ODF2: variants seen among roughly 807,000 people sequenced by gnomAD.
The protein encoded by ODF2 is outer dense fiber of sperm tails 2, also known as outer dense fiber protein 2.
ODF2 carries 47 observed loss-of-function variants against 110.2 expected under a neutral mutation model. The ratio of observed to expected loss-of-function variants is 0.43; its 90% confidence interval spans 0.34 to 0.54. The LOEUF is 0.54. Ranked by LOEUF, ODF2 falls within the 20% of genes least tolerant of loss-of-function variation. The probability of loss-of-function intolerance (pLI) is 0.03; values close to 1 mark genes in which losing one functional copy is unlikely to be tolerated. For synonymous variants in ODF2, 352 were observed against 397.7 expected, an observed-to-expected ratio of 0.89 and a Z score of 1.37; for missense variants, 812 against 1,054.5, an observed-to-expected ratio of 0.77 and a Z score of 3.19.
chr9:128,498,256 T>G, intron 18 of ODF2, 157 bp from the exon 19 acceptor site: 1 of 1,183,682 alleles, frequency 8.4e-7, no homozygotes, highest in Non-Finnish European at 1.1e-6. Flanking sequence ...TTTGGTCGCC[T>G]TGCTGATCTG....
At chr9:128,466,236 C>T (rs150180576) in intron 4 of ODF2, among the ~76,000 whole-genome samples, 2,417 of 152,120 alleles carry the variant, frequency 0.016, 25 homozygotes, top group Middle Eastern at 0.034. Context: ...GAGGCTAAGG[C>T]AGGCGGTTCA....
chr9:128,478,899 C>A (rs1383016061), intron 8 of ODF2, among the ~76,000 whole-genome samples: 1 of 152,122 alleles, frequency 6.6e-6, no homozygotes, highest in East Asian at 1.9e-4. Flanking sequence ...AGCTGTGTGG[C>A]CTCACTTGCC....
intron 15 of ODF2, 62 bp from the exon 16 acceptor site, chr9:128,492,639 A>T: frequency 6.4e-7 from 1 of 1,565,314 alleles, no homozygotes; most frequent in Non-Finnish European, 8.8e-7. Flanking sequence ...TTGGGTATGG[A>T]AGATGGTTTT....
intron 5 of ODF2, 199 bp downstream of exon 5, chr9:128,469,552 T>C (rs1242785681): frequency 6.7e-6 from 4 of 596,712 alleles, no homozygotes; most frequent in East Asian, 2.8e-5. Flanking sequence ...GGGCCCTCTC[T>C]ATTGAGCATG....
intron 20 of ODF2, 53 bp downstream of exon 20, chr9:128,499,179 T>G (rs1846148870): frequency 3.7e-6 from 6 of 1,602,620 alleles, no homozygotes; most frequent in Admixed American, 1.7e-5. Flanking sequence ...ACCTAGCTTC[T>G]GTGGGGCCTG....
upstream of ODF2, chr9:128,455,881 A>C (rs912649663): frequency 8.6e-7 from 1 of 1,168,160 alleles, no homozygotes; most frequent in African/African-American, 1.6e-5. Flanking sequence ...GGAGGATCCA[A>C]GGCAGGGGAA....
At chr9:128,490,419 A>G (rs1345287195) in intron 14 of ODF2, among the ~76,000 whole-genome samples, 5 of 151,930 alleles carry the variant, frequency 3.3e-5, no homozygotes, top group African/African-American at 4.8e-5. Flanking sequence ...AGTAGCTGGG[A>G]TTACAGGCAT....
At chr9:128,461,993 C>T (rs182846819) in intron 4 of ODF2, among the ~76,000 whole-genome samples, 1 of 152,204 alleles carries the variant, frequency 6.6e-6, no homozygotes, top group Admixed American at 6.5e-5. Flanking sequence ...ACATTTTTTA[C>T]TACATATACT....
exon 9 of ODF2, chr9:128,481,635 C>A: frequency 6.2e-7 from 1 of 1,613,716 alleles, no homozygotes; most frequent in Non-Finnish European, 8.5e-7. Context: ...CTGGCGGAGG[C>A]CGACTCAGAG....
At chr9:128,476,719 C>T (rs1303279701) in intron 8 of ODF2, among the ~76,000 whole-genome samples, 1 of 150,408 alleles carries the variant, frequency 6.6e-6, no homozygotes, top group Non-Finnish European at 1.5e-5. Context: ...CTCACTGCAA[C>T]TTCTGGCCTC....
At chr9:128,457,564 T>A in intron 2 of ODF2, 2 of 1,261,986 alleles carry the variant, frequency 1.6e-6, no homozygotes, top group Non-Finnish European at 2.1e-6. Context: ...CCAAAACGTT[T>A]AAAAATCGTT....
At chr9:128,466,093 C>G (rs1013430394) in intron 4 of ODF2, among the ~76,000 whole-genome samples, 1 of 151,558 alleles carries the variant, frequency 6.6e-6, no homozygotes, top group Non-Finnish European at 1.5e-5. Flanking sequence ...GAGCCAAGAT[C>G]GCGCCCCTGC....
rs56716979 is a variant in ODF2 at position 128,496,714 on chromosome 9, T to TTATCTATC, written c.2012+594_2012+601dup. 2.4e-3 allele frequency among the ~76,000 whole-genome samples: 352 copies of TTATCTATC among 149,468 alleles called. 2 individuals are homozygous for TTATCTATC. Among genetic ancestry groups the TTATCTATC allele is most frequent in the South Asian group, 0.018 (82 of 4,574 alleles). On this transcript the variant is annotated intron_variant, in intron 18 of 20. Transcript: ENST00000604420. ...TTTGAGGAAAGGGTCAAGGTAGAGT[T>TTATCTATC]TATCTATCTATCTATCTATCTATCT...
intron 4 of ODF2, among the ~76,000 whole-genome samples, chr9:128,462,609 T>G (rs975208311): frequency 6.6e-6 from 1 of 151,378 alleles, no homozygotes; most frequent in Non-Finnish European, 1.5e-5. Context: ...TTTTTGTTTT[T>G]TTTTTTTTGA....
At chr9:128,457,493 TC>T in intron 2 of ODF2, 5 of 1,524,484 alleles carry the variant, frequency 3.3e-6, no homozygotes, top group Non-Finnish European at 1.8e-6. Context: ...TGGCCAGGGG[TC>T]CCCAGGGCAG....
chr9:128,499,028 T>C, exon 20 of ODF2: 1 of 1,614,088 alleles, frequency 6.2e-7, no homozygotes, highest in Admixed American at 1.7e-5. Flanking sequence ...GCACGCACTC[T>C]CCAAGGAGCG....
Position 128,484,748 on chromosome 9 carries a change from C to G in ODF2, c.1152C>G (p.Ile384Met), listed in dbSNP as rs1374344403. The change falls in exon 12 of 21, where the codon ATC (isoleucine) becomes ATG (methionine). Residue 384 changes from isoleucine (I) to methionine (M), a missense_variant. This residue lies in a region of ODF2 where 73 missense variants were observed against 71.0 expected (regional missense o/e 1.03). Coordinates refer to ENST00000604420, the Ensembl canonical transcript of ODF2. ...AGCATAAGGCAGAAGTGGAGGCCATCATGGAGCAGCTGAAGGAGTTGAAGC... is the reference window on the plus strand; with the variant it reads ...AGCATAAGGCAGAAGTGGAGGCCATGATGGAGCAGCTGAAGGAGTTGAAGC... The G allele has an allele frequency of 1.2e-6, 2 of 1,601,512 alleles. No homozygotes were observed. Among genetic ancestry groups the G allele is most frequent in the Non-Finnish European group, 8.5e-7 (1 of 1,174,150 alleles).
intron 4 of ODF2, among the ~76,000 whole-genome samples, chr9:128,463,831 A>T (rs1837152069): frequency 6.6e-6 from 1 of 151,970 alleles, no homozygotes; most frequent in Non-Finnish European, 1.5e-5. Context: ...GCAAGGTTTA[A>T]TGCTTTATTT....
intron 20 of ODF2, 91 bp from the exon 21 acceptor site, chr9:128,499,976 T>A (rs998788845): frequency 5.6e-6 from 8 of 1,423,484 alleles, no homozygotes; most frequent in East Asian, 2.4e-5. Context: ...TCCCCAAACC[T>A]CCTGGCAACT....
Sources: gnomAD v4.1 joint callset for allele counts (sites outside exome capture counted in the v4.1 genomes callset) on GRCh38, gnomAD v4.1.1 for gene constraint, gnomAD v4.1.1 regional missense constraint, MANE v1.5 for transcripts, NCBI Gene and HGNC (gene_info 2026-07-23, HGNC 2026-07-21) for gene names.